Variants in ANO4 observed in about 807,000 individuals in gnomAD.
ANO4 encodes anoctamin-4.
In ANO4, 69 loss-of-function variants were observed where a neutral mutation model predicts 141.9. The ratio of observed to expected loss-of-function variants is 0.49; its 90% CI spans 0.40 to 0.59. The LOEUF is 0.59. Among genes scored for constraint, ANO4 ranks in the 20% least tolerant of loss-of-function variants. The pLI, the probability that ANO4 is intolerant of heterozygous loss-of-function variation, is 0.00. For synonymous variants in ANO4, 350 were observed against 394.3 expected (o/e 0.89, Z 1.33); for missense variants, 894 against 1,162.2 (o/e 0.77, Z 3.36).
chr12:101,019,089 G>A (rs1390271935), intron 8 of ANO4, among the ~76,000 whole-genome samples: 1 of 152,060 alleles, frequency 6.6e-6, no homozygotes, highest in Non-Finnish European at 1.5e-5. Flanking sequence ...CTTGCTGGAG[G>A]AGGTGACTTC....
chr12:101,056,262 G>A (rs973844179), intron 14 of ANO4, among the ~76,000 whole-genome samples: 1 of 152,096 alleles, frequency 6.6e-6, no homozygotes, highest in Non-Finnish European at 1.5e-5. Context: ...TACATATTCT[G>A]TAATTTCTCT....
At chr12:100,787,398 A>T (rs1378698957) in intron 3 of ANO4, among the ~76,000 whole-genome samples, 3 of 152,182 alleles carry the variant, frequency 2.0e-5, no homozygotes, top group African/African-American at 7.2e-5. Context: ...GAGTATGAGG[A>T]TGTAAGTGAA....
At chr12:100,909,425 A>G (rs1213141725) in intron 2 of ANO4, among the ~76,000 whole-genome samples, 2 of 152,182 alleles carry the variant, frequency 1.3e-5, no homozygotes, top group South Asian at 2.1e-4. Context: ...GACTACACAC[A>G]GCGAGGGAGA....
In ANO4 at chr12:101,083,695, G is replaced by C; in HGVS notation, c.1413G>C (p.Gln471His). 1 of 1,608,426 alleles carries C rather than the reference G, an allele frequency of 6.2e-7. No individual in the cohort carries two copies. The highest frequency in any genetic ancestry group is 8.5e-7 in the Non-Finnish European group (1 of 1,178,740). The change falls in exon 16 of 28, where the codon CAG becomes CAC. Residue 471 changes from glutamine (Q) to histidine (H), a missense_variant. Gln to His is a conservative substitution (Grantham distance 24). Transcript: ENST00000392977. ...TCCTTTAGGAAGAAATACGACCCCAGTTTGAAGCCAAGTATTCCAAGAAAG... is the reference window on the plus strand; with the variant it reads ...TCCTTTAGGAAGAAATACGACCCCACTTTGAAGCCAAGTATTCCAAGAAAG... ...WEEEEEEIRP[Q>H]FEAKYSKKER...
intron 1 of ANO4, among the ~76,000 whole-genome samples, chr12:100,720,438 A>G (rs1408089121): frequency 6.6e-6 from 1 of 151,802 alleles, no homozygotes; most frequent in Non-Finnish European, 1.5e-5. Flanking sequence ...TGAGTCAGGA[A>G]TGAGCTTGTC....
At chr12:100,799,567 C>G (rs1203264829) in intron 1 of ANO4, among the ~76,000 whole-genome samples, 1 of 152,148 alleles carries the variant, frequency 6.6e-6, no homozygotes, top group African/African-American at 2.4e-5. Context: ...CATGGTGAAA[C>G]TCCATCTTAC....
intron 19 of ANO4, 102 bp from the exon 20 acceptor site, chr12:101,097,549 G>C: frequency 9.1e-7 from 1 of 1,101,022 alleles, no homozygotes; most frequent in Non-Finnish European, 1.4e-6. Flanking sequence ...ACTACTTATA[G>C]TAGCAGTCAT....
intron 3 of ANO4, among the ~76,000 whole-genome samples, chr12:100,928,522 T>G (rs997306464): frequency 2.6e-5 from 4 of 152,088 alleles, no homozygotes; most frequent in African/African-American, 9.7e-5. Context: ...AGCTAATAAG[T>G]GGAAGGGCTG....
At chr12:100,998,068 T>G (rs1363559402) in intron 8 of ANO4, among the ~76,000 whole-genome samples, 1 of 152,090 alleles carries the variant, frequency 6.6e-6, no homozygotes, top group East Asian at 1.9e-4. Flanking sequence ...CCTGGGTGTG[T>G]CTGTGAGGCC....
chr12:100,991,205 A>G (rs1167460203), intron 8 of ANO4, among the ~76,000 whole-genome samples: 3 of 152,228 alleles, frequency 2.0e-5, no homozygotes, highest in Admixed American at 6.5e-5. Context: ...CCTCGGGTGT[A>G]TAAAAGTATG....
chr12:100,802,661 G>A (rs143822541), intron 1 of ANO4, among the ~76,000 whole-genome samples: 8 of 152,150 alleles, frequency 5.3e-5, no homozygotes, highest in Non-Finnish European at 1.0e-4. Context: ...GTACTTAATC[G>A]AGCACGTACT....
At chr12:100,939,163 A>G in intron 3 of ANO4, 152 bp from the exon 4 acceptor site, 3 of 771,600 alleles carry the variant, frequency 3.9e-6, no homozygotes, top group South Asian at 4.9e-5. Context: ...TGTCTGACAT[A>G]CTTTTCTTTT....
chr12:100,783,850 T>C (rs144438425), intron 3 of ANO4, among the ~76,000 whole-genome samples: 88 of 152,256 alleles, frequency 5.8e-4, no homozygotes, highest in African/African-American at 2.1e-3. Context: ...GTGATCTTAC[T>C]TGTCAAAGTA....
At chr12:100,766,540 G>A (rs550549268) in intron 3 of ANO4, among the ~76,000 whole-genome samples, 1 of 151,980 alleles carries the variant, frequency 6.6e-6, no homozygotes, top group Non-Finnish European at 1.5e-5. Flanking sequence ...CCCCATATTT[G>A]TGAATTTTTC....
chr12:100,958,195 T>G (rs1420136586), intron 5 of ANO4, among the ~76,000 whole-genome samples: 1 of 152,196 alleles, frequency 6.6e-6, no homozygotes, highest in African/African-American at 2.4e-5. Context: ...GATTTAATGT[T>G]GCTGGAAAAA....
At chr12:100,833,431 A>G (rs2036739475) in intron 1 of ANO4, among the ~76,000 whole-genome samples, 1 of 152,118 alleles carries the variant, frequency 6.6e-6, no homozygotes, top group African/African-American at 2.4e-5. Context: ...TTCTTACCCA[A>G]TTCATGTTTC....
chr12:100,939,568 C>G, intron 4 of ANO4, 117 bp downstream of exon 4: 1 of 1,152,358 alleles, frequency 8.7e-7, no homozygotes, highest in Non-Finnish European at 1.2e-6. Flanking sequence ...TCTTGTAAAA[C>G]AAGGGACAGG....
intron 3 of ANO4, among the ~76,000 whole-genome samples, chr12:100,741,935 A>G (rs1385534253): frequency 1.3e-5 from 2 of 152,134 alleles, no homozygotes; most frequent in South Asian, 2.1e-4. Flanking sequence ...ACATTTTATC[A>G]TGGTTCCCTT....
At chr12:101,076,640 G>A (rs1481727034) in intron 14 of ANO4, among the ~76,000 whole-genome samples, 1 of 152,106 alleles carries the variant, frequency 6.6e-6, no homozygotes, top group Non-Finnish European at 1.5e-5. Context: ...AGCAGCAGCT[G>A]CCAGTAAGAC....
Sources: allele counts gnomAD v4.1 joint callset (sites outside exome capture counted in the v4.1 genomes callset), GRCh38; gene constraint gnomAD v4.1.1; transcripts MANE v1.5; gene names NCBI Gene and HGNC (gene_info 2026-07-23, HGNC 2026-07-21).